PKP2: variants seen among roughly 807,000 people sequenced by gnomAD.
The protein encoded by PKP2 is plakophilin-2.
PKP2 carries 73 observed loss-of-function variants against 83.4 expected under a neutral mutation model. The observed-to-expected ratio is 0.88, with a 90% CI of 0.72 to 1.06. PKP2 has a LOEUF of 1.06. PKP2 is among the 50% of genes least tolerant of loss of function. The pLI, the probability that PKP2 is intolerant of heterozygous loss-of-function variation, is 0.00. For synonymous variants in PKP2, 409 were observed against 430.4 expected (o/e 0.95, Z 0.62); for missense variants, 966 against 1,065.4 (o/e 0.91, Z 1.30).
chr12:32,793,613 CTTTTTTTTTTTTT>C (rs35990527), intron 11 of PKP2, among the ~76,000 whole-genome samples: 1 of 76,730 alleles, frequency 1.3e-5, no homozygotes, highest in South Asian at 4.8e-4. Context: ...TCATATTCTG[CTTTTTTTTTTTTT>C]TTTTTTTTTT....
chr12:32,835,038 A>T (rs1956532492), intron 6 of PKP2, among the ~76,000 whole-genome samples: 1 of 147,780 alleles, frequency 6.8e-6, no homozygotes, highest in Non-Finnish European at 1.5e-5. Context: ...GAATCAAAGA[A>T]GACAGCCATT....
chr12:32,886,281 A>C (rs187946018), intron 1 of PKP2, among the ~76,000 whole-genome samples: 1 of 152,356 alleles, frequency 6.6e-6, no homozygotes, highest in Non-Finnish European at 1.5e-5. Flanking sequence ...CACAAATCTT[A>C]AAAGATTTAA....
At chr12:32,810,314 T>C (rs563728916) in intron 9 of PKP2, among the ~76,000 whole-genome samples, 1 of 152,056 alleles carries the variant, frequency 6.6e-6, no homozygotes, top group South Asian at 2.1e-4. Context: ...AACTGACAGA[T>C]TGTGAAGGTC....
At chr12:32,799,203 T>C (rs1351763871) in intron 10 of PKP2, among the ~76,000 whole-genome samples, 1 of 152,152 alleles carries the variant, frequency 6.6e-6, no homozygotes, top group African/African-American at 2.4e-5. Flanking sequence ...TCACTAATTA[T>C]CATGGAAATG....
chr12:32,840,061 CT>C (rs1452097183), intron 6 of PKP2, among the ~76,000 whole-genome samples: 1 of 152,180 alleles, frequency 6.6e-6, no homozygotes, highest in Non-Finnish European at 1.5e-5. Flanking sequence ...AGTTCGCAAA[CT>C]TCAGTGACTG....
chr12:32,795,265 C>T (rs541773679), intron 11 of PKP2, among the ~76,000 whole-genome samples: 115 of 150,782 alleles, frequency 7.6e-4, no homozygotes, highest in African/African-American at 2.4e-3. Context: ...CTTCTATTAT[C>T]AAAAGGGAAT....
At position 32,846,363 on chromosome 12, in the gene PKP2, T is replaced by C. The variant is rs558295422; in HGVS notation, c.1378+4403A>G. ...GGGGGAGTGGGGGTGTCTTTGATCCTGAAGTTCTTTCATTAGAAGAGAAGA... is the reference window on the plus strand; with the variant it reads ...GGGGGAGTGGGGGTGTCTTTGATCCCGAAGTTCTTTCATTAGAAGAGAAGA... On this transcript the variant is annotated intron_variant, in intron 5 of 12. Coordinates refer to ENST00000340811, the MANE Select transcript of PKP2 (RefSeq NM_001005242.3). 2.5e-4 allele frequency among the ~76,000 whole-genome samples: 38 copies of C among 152,274 alleles called. No homozygotes were observed. The South Asian group carries it at 7.9e-3, about 32-fold the overall frequency.
chr12:32,811,703 G>A (rs1956278690), intron 9 of PKP2, among the ~76,000 whole-genome samples: 1 of 152,152 alleles, frequency 6.6e-6, no homozygotes, highest in Admixed American at 6.5e-5. Context: ...ACTAACTTCT[G>A]TGAATCAGTT....
At chr12:32,821,102 CT>C (rs1330345906) in intron 9 of PKP2, 1 of 462,664 alleles carries the variant, frequency 2.2e-6, no homozygotes, top group South Asian at 2.2e-5. Flanking sequence ...AAAATTTCCT[CT>C]TTTTTGCTTA....
chr12:32,888,795 T>TC (rs1957053825), intron 1 of PKP2, among the ~76,000 whole-genome samples: 2 of 29,374 alleles, frequency 6.8e-5, no homozygotes, highest in Non-Finnish European at 3.9e-4. Context: ...GCCCGGCCTC[T>TC]TTTTTTTTTT....
At chr12:32,883,165 TA>T (rs746634233) in intron 1 of PKP2, among the ~76,000 whole-genome samples, 3 of 152,212 alleles carry the variant, frequency 2.0e-5, no homozygotes, top group Non-Finnish European at 2.9e-5. Flanking sequence ...ATTGAATTTT[TA>T]AATCACAGAC....
intron 1 of PKP2, among the ~76,000 whole-genome samples, chr12:32,889,209 T>TGG (rs1565602959): frequency 6.6e-6 from 1 of 151,884 alleles, no homozygotes. Flanking sequence ...TGCCTGTGTG[T>TGG]GTTTGGTGGG....
intron 3 of PKP2, among the ~76,000 whole-genome samples, chr12:32,869,748 G>A (rs1216749533): frequency 6.6e-6 from 1 of 152,122 alleles, no homozygotes; most frequent in African/African-American, 2.4e-5. Flanking sequence ...GGCTGGGCAC[G>A]GTGGCTCACA....
chr12:32,842,031 AATAG>A (rs1956597949), intron 5 of PKP2, among the ~76,000 whole-genome samples: 1 of 152,222 alleles, frequency 6.6e-6, no homozygotes, highest in Admixed American at 6.5e-5. Context: ...AAACTGAGAT[AATAG>A]CATGTTGTAC....
intron 7 of PKP2, 127 bp downstream of exon 7, chr12:32,823,918 A>G: frequency 1.4e-6 from 1 of 727,228 alleles, no homozygotes; most frequent in Non-Finnish European, 2.5e-6. Flanking sequence ...TAATATTTCT[A>G]AGGATGAATG....
chr12:32,896,520 G>A lies in PKP2; in HGVS notation c.212C>T (p.Ser71Phe), dbSNP rs796597346. 5 of 1,543,906 alleles carry A rather than the reference G, an allele frequency of 3.2e-6. No homozygotes were observed. The highest frequency in any genetic ancestry group is 4.3e-6 in the Non-Finnish European group (5 of 1,150,920). Residue 71 changes from serine to phenylalanine, a missense_variant, in exon 1 of 13, where the codon TCC becomes TTC. Ser to Phe is a radical substitution (Grantham distance 155, BLOSUM62 -2). Coordinates refer to ENST00000340811, the MANE Select transcript of PKP2 (RefSeq NM_001005242.3). ...QQTLARKGRS[S>F]VGNGNLHRTS... ...CGGGCTCCACTCACCGTTGCCCACG[G>A]AGCTGCGGCCCTTCCGGGCGAGGGT...
chr12:32,812,312 G>A (rs1394828107), intron 9 of PKP2, among the ~76,000 whole-genome samples: 1 of 152,124 alleles, frequency 6.6e-6, no homozygotes, highest in African/African-American at 2.4e-5. Context: ...CTACATTGCT[G>A]TATATCTGCC....
At chr12:32,806,152 T>C (rs921821546) in intron 9 of PKP2, among the ~76,000 whole-genome samples, 20 of 152,160 alleles carry the variant, frequency 1.3e-4, no homozygotes, top group African/African-American at 4.6e-4. Flanking sequence ...ATGTTCACCA[T>C]GGATATTGGC....
chr12:32,870,949 T>C (rs1182118526), intron 3 of PKP2, among the ~76,000 whole-genome samples: 3 of 152,166 alleles, frequency 2.0e-5, no homozygotes, highest in Non-Finnish European at 4.4e-5. Context: ...TCCAATGCGA[T>C]TTCACTTTAT....
Sources: gnomAD v4.1 joint callset for allele counts (sites outside exome capture counted in the v4.1 genomes callset) on GRCh38, gnomAD v4.1.1 for gene constraint, MANE v1.5 for transcripts, NCBI Gene and HGNC (gene_info 2026-07-23, HGNC 2026-07-21) for gene names.